MAST2: variants seen among roughly 807,000 people sequenced by gnomAD.
MAST2 encodes microtubule associated serine/threonine kinase 2, also known as microtubule-associated serine/threonine-protein kinase 2.
MAST2 carries 70 observed loss-of-function variants against 147.4 expected under a neutral mutation model. The observed-to-expected ratio is 0.47, with a 90% CI of 0.39 to 0.58. MAST2 has a LOEUF of 0.58. Among genes scored for constraint, MAST2 ranks in the 20% least tolerant of loss-of-function variants. The pLI is 0.00. For missense variants in MAST2, 2,080 were observed against 2,302.3 expected, an observed-to-expected ratio of 0.90 and a Z score of 1.98; for synonymous variants, 869 against 896.8, an observed-to-expected ratio of 0.97 and a Z score of 0.55.
At position 45,872,478 on chromosome 1, in the gene MAST2, C is replaced by T. The variant is rs904501087; in HGVS notation, c.469-9886C>T. On this transcript the variant is annotated intron_variant, in intron 3 of 28. Transcript: ENST00000361297. The stretch of plus-strand genomic sequence containing the variant: ...CTCATCTGTGGGAATAGCACCATTT[C>T]GTGGTTTTTTTTTTTTTTTGAGACG... Among the ~76,000 whole-genome samples, 8 of 150,012 alleles carry T rather than the reference C, an allele frequency of 5.3e-5. 1 individual carries two copies. Among genetic ancestry groups the T allele is most frequent in the East Asian group, 3.9e-4 (2 of 5,134 alleles).
intron 4 of MAST2, among the ~76,000 whole-genome samples, chr1:45,924,502 C>A (rs919421071): frequency 6.6e-6 from 1 of 152,124 alleles, no homozygotes; most frequent in Non-Finnish European, 1.5e-5. Flanking sequence ...GGGGGGACTT[C>A]CAGGGGCGGG....
intron 3 of MAST2, among the ~76,000 whole-genome samples, chr1:45,863,298 A>G (rs1221849294): frequency 1.3e-5 from 2 of 152,212 alleles, no homozygotes; most frequent in Non-Finnish European, 2.9e-5. Flanking sequence ...TTAAAGGCCT[A>G]TGACTTTGCA....
At chr1:45,862,936 G>A (rs1646028523) in intron 3 of MAST2, among the ~76,000 whole-genome samples, 1 of 152,156 alleles carries the variant, frequency 6.6e-6, no homozygotes, top group Non-Finnish European at 1.5e-5. Context: ...ATAGCACTTT[G>A]TCATACCTTT....
intron 4 of MAST2, among the ~76,000 whole-genome samples, chr1:45,905,089 G>C (rs927885301): frequency 2.0e-5 from 3 of 152,080 alleles, no homozygotes; most frequent in Non-Finnish European, 4.4e-5. Flanking sequence ...GGGATTGTAG[G>C]CATGAGCCAG....
intron 7 of MAST2, among the ~76,000 whole-genome samples, chr1:46,003,829 C>T (rs1386441959): frequency 6.6e-6 from 1 of 152,136 alleles, no homozygotes; most frequent in East Asian, 1.9e-4. Context: ...AAGAGCCCAA[C>T]GTGGAGTAAA....
chr1:45,930,665 C>A (rs1463298938), intron 4 of MAST2, among the ~76,000 whole-genome samples: 2 of 152,090 alleles, frequency 1.3e-5, no homozygotes, highest in Non-Finnish European at 2.9e-5. Flanking sequence ...CAAGTGATTT[C>A]TCTGGATGTT....
intron 7 of MAST2, among the ~76,000 whole-genome samples, chr1:46,005,264 A>T (rs1285889926): frequency 6.6e-6 from 1 of 151,600 alleles, no homozygotes; most frequent in Non-Finnish European, 1.5e-5. Flanking sequence ...CAGGAGGCTG[A>T]GGCAGGAGAG....
intron 7 of MAST2, 37 bp from the exon 8 acceptor site, chr1:46,006,202 CAT>C (rs1363655909): frequency 3.2e-6 from 5 of 1,587,068 alleles, no homozygotes; most frequent in Non-Finnish European, 4.3e-6. Flanking sequence ...TGCTCTGGGA[CAT>C]GTCTTTAATG....
chr1:45,827,288 C>T (rs1644823356), intron 2 of MAST2, among the ~76,000 whole-genome samples: 5 of 151,878 alleles, frequency 3.3e-5, no homozygotes. Flanking sequence ...TTCTTTTTTT[C>T]TGTGTTATTT....
At chr1:45,923,186 C>A (rs1383850501) in intron 4 of MAST2, among the ~76,000 whole-genome samples, 4 of 152,138 alleles carry the variant, frequency 2.6e-5, no homozygotes, top group African/African-American at 9.7e-5. Flanking sequence ...TCAGCCTGGC[C>A]CAATTGTGGC....
intron 3 of MAST2, among the ~76,000 whole-genome samples, chr1:45,833,813 G>A (rs1645027948): frequency 6.7e-6 from 1 of 150,302 alleles, no homozygotes; most frequent in Non-Finnish European, 1.5e-5. Context: ...TGTTTCTTTA[G>A]ACCTGAATCC....
chr1:45,929,687 C>T (rs1441611517), intron 4 of MAST2, among the ~76,000 whole-genome samples: 1 of 152,092 alleles, frequency 6.6e-6, no homozygotes, highest in Non-Finnish European at 1.5e-5. Context: ...AAGAAACTAG[C>T]ATACTGGAGT....
At chr1:45,843,785 A>G (rs186545550) in intron 3 of MAST2, among the ~76,000 whole-genome samples, 17 of 152,292 alleles carry the variant, frequency 1.1e-4, no homozygotes, top group Admixed American at 1.0e-3. Flanking sequence ...TTCTAATGCC[A>G]TCTAGTGTCT....
chr1:46,019,529 C>G, intron 10 of MAST2, 67 bp from the exon 11 acceptor site: 1 of 1,279,924 alleles, frequency 7.8e-7, no homozygotes, highest in Non-Finnish European at 1.1e-6. Context: ...CAGCTCTGCC[C>G]TGTCTGGTCC....
chr1:45,920,820 A>T (rs1653335344), intron 4 of MAST2, among the ~76,000 whole-genome samples: 1 of 152,188 alleles, frequency 6.6e-6, no homozygotes, highest in Non-Finnish European at 1.5e-5. Flanking sequence ...TTCTCAAAAT[A>T]CTCTGATGAG....
intron 3 of MAST2, among the ~76,000 whole-genome samples, chr1:45,872,643 G>A (rs1299900054): frequency 6.6e-6 from 1 of 152,106 alleles, no homozygotes; most frequent in East Asian, 1.9e-4. Context: ...ACCACGCCCT[G>A]CTAATTTTCT....
chr1:45,969,326 G>A (rs1245828884), intron 5 of MAST2, among the ~76,000 whole-genome samples: 2 of 152,176 alleles, frequency 1.3e-5, no homozygotes, highest in Non-Finnish European at 2.9e-5. Context: ...TTGGTAAGGT[G>A]TAGGGGAGGA....
At chr1:45,912,916 C>A (rs1018003011) in intron 4 of MAST2, among the ~76,000 whole-genome samples, 1 of 152,178 alleles carries the variant, frequency 6.6e-6, no homozygotes, top group Admixed American at 6.5e-5. Flanking sequence ...CTCACCACAA[C>A]CTATATATTA....
chr1:45,927,325 AATTT>A (rs1476269571), intron 4 of MAST2, among the ~76,000 whole-genome samples: 1 of 152,184 alleles, frequency 6.6e-6, no homozygotes, highest in Non-Finnish European at 1.5e-5. Context: ...GTCTGACCAC[AATTT>A]ATTAGGCGGG....
Sources: allele counts gnomAD v4.1 joint callset (sites outside exome capture counted in the v4.1 genomes callset), GRCh38; gene constraint gnomAD v4.1.1; transcripts MANE v1.5; gene names NCBI Gene and HGNC (gene_info 2026-07-23, HGNC 2026-07-21).